SIPA1L3: variants seen among roughly 807,000 people sequenced by gnomAD.
SIPA1L3 encodes the protein signal induced proliferation associated 1 like 3.
A neutral mutation model predicts 150.1 loss-of-function variants in SIPA1L3; 59 were observed. The observed-to-expected ratio is 0.39, with a 90% confidence interval of 0.32 to 0.49. The LOEUF is 0.49. Among genes scored for constraint, SIPA1L3 ranks in the 20% least tolerant of loss-of-function variants. SIPA1L3 has a pLI of 0.86. For missense variants in SIPA1L3, 2,211 were observed against 2,489.5 expected, an observed-to-expected ratio of 0.89 and a Z score of 2.38; for synonymous variants, 1,070 against 1,077.6, an observed-to-expected ratio of 0.99 and a Z score of 0.14.
At chr19:37,932,360 C>A (rs575949069) in intron 1 of SIPA1L3, 2 of 152,398 alleles carry the variant, frequency 1.3e-5, no homozygotes, top group African/African-American at 4.8e-5. Flanking sequence ...CCTTTTCTTT[C>A]CCTCCCCCAA....
chr19:37,942,826 G>A (rs1263206156), intron 1 of SIPA1L3, among the ~76,000 whole-genome samples: 4 of 152,064 alleles, frequency 2.6e-5, no homozygotes, highest in African/African-American at 7.2e-5. Flanking sequence ...GCTTTGGTCT[G>A]CAGGATTTTG....
chr19:38,150,165 T>C (rs192051673), intron 12 of SIPA1L3, among the ~76,000 whole-genome samples: 11 of 152,322 alleles, frequency 7.2e-5, no homozygotes, highest in Non-Finnish European at 1.3e-4. Context: ...AATTCACGTT[T>C]CGTACTTCCT....
In SIPA1L3 at chr19:38,198,468, C is replaced by G. The variant is rs754418261; in HGVS notation, c.4920C>G (p.Pro1640=). 6.9e-6 allele frequency: 11 copies of G among 1,605,408 alleles called. No homozygotes were observed. Among genetic ancestry groups the G allele is most frequent in the Non-Finnish European group, 9.3e-6 (11 of 1,176,680 alleles). The change falls in exon 19 of 22, where the codon CCC becomes CCG. Residue 1640 remains proline (P), a synonymous_variant. Transcript: ENST00000222345. ...GGCGCCTGGACCCTGGGCTGATGCC[C>G]CTGCCTGACACAGCTGCTGGCCTCG... ...PLRRLDPGLM[P]LPDTAAGLEW...
intron 1 of SIPA1L3, among the ~76,000 whole-genome samples, chr19:38,025,568 C>T (rs1568507921): frequency 6.6e-6 from 1 of 152,220 alleles, no homozygotes; most frequent in African/African-American, 2.4e-5. Context: ...AGACTTGGCA[C>T]CACGGCACAT....
intron 9 of SIPA1L3, among the ~76,000 whole-genome samples, chr19:38,125,944 C>T (rs1036847823): frequency 1.3e-5 from 2 of 152,110 alleles, no homozygotes; most frequent in Admixed American, 6.6e-5. Flanking sequence ...AAGGCCGAGG[C>T]GGGTGGATCA....
intron 3 of SIPA1L3, among the ~76,000 whole-genome samples, chr19:38,085,399 G>A (rs1344945936): frequency 6.7e-6 from 1 of 149,070 alleles, no homozygotes; most frequent in Non-Finnish European, 1.5e-5. Flanking sequence ...AGAATGGCAT[G>A]AACCCGGGAG....
chr19:38,079,676 C>T (rs909362400), intron 2 of SIPA1L3, among the ~76,000 whole-genome samples: 22 of 152,056 alleles, frequency 1.4e-4, no homozygotes, highest in Non-Finnish European at 2.1e-4. Flanking sequence ...TTACCTCAGC[C>T]CCCTGAGTAG....
chr19:37,933,407 C>G (rs1467949887), intron 1 of SIPA1L3, among the ~76,000 whole-genome samples: 12 of 152,130 alleles, frequency 7.9e-5, no homozygotes, highest in African/African-American at 2.7e-4. Context: ...CGCCCTTACT[C>G]TTTGCTTTAT....
At chr19:38,167,440 CTG>C (rs1972235186) in intron 15 of SIPA1L3, among the ~76,000 whole-genome samples, 1 of 152,116 alleles carries the variant, frequency 6.6e-6, no homozygotes, top group African/African-American at 2.4e-5. Context: ...CCCGGGCACA[CTG>C]TGATCCAAGG....
chr19:38,198,493 G>A lies in SIPA1L3; in HGVS notation c.4945G>A (p.Glu1649Lys), dbSNP rs202013889. The change falls in exon 19 of 22, where the codon GAG becomes AAG. Residue 1649 changes from glutamate to lysine, a missense_variant. By Grantham distance (56) the Glu-to-Lys change is moderately conservative (BLOSUM62 1). Transcript: ENST00000222345. ...MPLPDTAAGL[E>K]WSSLVNAAKA... ...CCTGCCTGACACAGCTGCTGGCCTC[G>A]AGTGGTCCAGCCTGGTGAACGCAGC... 42 of 1,601,120 alleles carry A rather than the reference G, an allele frequency of 2.6e-5. No individual in the cohort carries two copies. The highest frequency in any genetic ancestry group is 1.0e-4 in the Admixed American group (6 of 58,482).
intron 1 of SIPA1L3, among the ~76,000 whole-genome samples, chr19:37,998,445 G>A (rs1365096351): frequency 6.6e-6 from 1 of 152,150 alleles, no homozygotes; most frequent in Non-Finnish European, 1.5e-5. Flanking sequence ...GCTGCAAACC[G>A]AAACGCATAA....
At chr19:38,174,167 G>A (rs1457675295) in intron 15 of SIPA1L3, among the ~76,000 whole-genome samples, 1 of 152,180 alleles carries the variant, frequency 6.6e-6, no homozygotes, top group Non-Finnish European at 1.5e-5. Flanking sequence ...GAGGTAGCGA[G>A]CAGTGGCTTG....
At chr19:38,153,705 C>T (rs931685361) in intron 13 of SIPA1L3, among the ~76,000 whole-genome samples, 1 of 138,676 alleles carries the variant, frequency 7.2e-6, no homozygotes, top group Non-Finnish European at 1.5e-5. Context: ...CCAAGGCGGG[C>T]GGATAATAAT....
chr19:38,148,731 C>T (rs952770785), intron 12 of SIPA1L3, among the ~76,000 whole-genome samples: 9 of 152,164 alleles, frequency 5.9e-5, no homozygotes, highest in African/African-American at 9.7e-5. Context: ...GCCAGCGTCC[C>T]GTAGCCCAAC....
At chr19:37,958,718 T>A (rs558373637) in intron 1 of SIPA1L3, among the ~76,000 whole-genome samples, 8 of 152,268 alleles carry the variant, frequency 5.3e-5, no homozygotes, top group Non-Finnish European at 1.2e-4. Flanking sequence ...AAAACTTTTG[T>A]GATGCAAAGG....
Position 38,013,042 on chromosome 19 carries a change from G to A in SIPA1L3, c.-378-16047G>A, listed in dbSNP as rs141317480. ...TTCTGAGGGGCTTTGGGCATCTGGG[G>A]GACTCTAGTCCACTCAGCCAGTGAG... is the stretch of plus-strand genomic sequence containing the variant. On this transcript the variant is annotated intron_variant, in intron 1 of 21. Coordinates refer to ENST00000222345, the MANE Select transcript of SIPA1L3 (RefSeq NM_015073.3). Among the ~76,000 whole-genome samples, 466 of 152,266 alleles carry A rather than the reference G, an allele frequency of 3.1e-3. 2 individuals are homozygous for A. The highest frequency in any genetic ancestry group is 0.01 in the African/African-American group (434 of 41,540).
At chr19:38,036,280 GC>G (rs1968783733) in intron 2 of SIPA1L3, among the ~76,000 whole-genome samples, 1 of 152,268 alleles carries the variant, frequency 6.6e-6, no homozygotes, top group African/African-American at 2.4e-5. Context: ...AAGGTTGTCA[GC>G]CCGAATTAGC....
At chr19:37,941,013 T>C (rs959863855) in intron 1 of SIPA1L3, among the ~76,000 whole-genome samples, 11 of 151,978 alleles carry the variant, frequency 7.2e-5, no homozygotes, top group Non-Finnish European at 1.5e-4. Flanking sequence ...TCTATCTCTG[T>C]GTTTCCTATA....
In SIPA1L3 at chr19:38,130,861, C is replaced by T. The variant is rs562906725; in HGVS notation, c.3143+89C>T. On this transcript the variant is annotated intron_variant, in intron 10 of 21. Transcript: ENST00000222345. ...TCCCTGGCACTGTCACTTGAGGTCC[C>T]AATAGAGGGGGGATAGGCAGGCCCT... The T allele has an allele frequency of 7.1e-6, 10 of 1,408,174 alleles. No homozygotes were observed. In the South Asian group the frequency reaches 1.4e-4, roughly 19 times the overall value. The allele number at this position is 1,408,174 out of a possible 1,614,324, so 87.2% of individuals were successfully genotyped here.
Sources: gnomAD v4.1 joint callset for allele counts (sites outside exome capture counted in the v4.1 genomes callset) on GRCh38, gnomAD v4.1.1 for gene constraint, MANE v1.5 for transcripts, NCBI Gene and HGNC (gene_info 2026-07-23, HGNC 2026-07-21) for gene names.